The following VPS13B variants were observed in gnomAD, a reference collection of about 807,000 sequenced individuals.
VPS13B encodes intermembrane lipid transfer protein VPS13B.
In VPS13B, 285 loss-of-function variants were observed where a neutral mutation model predicts 426.4. The ratio of observed to expected loss-of-function variants is 0.67; its 90% CI spans 0.61 to 0.74. The LOEUF is 0.74. VPS13B is among the 30% of genes least tolerant of loss of function. VPS13B has a pLI of 0.00. For missense variants in VPS13B, 4,537 were observed against 4,782.6 expected (o/e 0.95, Z 1.51); for synonymous variants, 1,676 against 1,676.4 (o/e 1.00, Z 0.01).
At chr8:99,545,645 A>G (rs117820078) in intron 30 of VPS13B, among the ~76,000 whole-genome samples, 2,667 of 152,170 alleles carry the variant, frequency 0.018, 38 homozygotes, top group South Asian at 0.032. Context: ...TATATTCTCA[A>G]TTGCTGAGTA....
At chr8:99,625,180 C>A (rs1030198570) in intron 33 of VPS13B, among the ~76,000 whole-genome samples, 1 of 152,076 alleles carries the variant, frequency 6.6e-6, no homozygotes, top group African/African-American at 2.4e-5. Flanking sequence ...TAGACCAGAA[C>A]TTCTGCTAGG....
chr8:99,486,808 T>C (rs1256778964), intron 25 of VPS13B, among the ~76,000 whole-genome samples: 1 of 152,226 alleles, frequency 6.6e-6, no homozygotes, highest in East Asian at 1.9e-4. Context: ...ACCCTGACTT[T>C]GTGTTTCCTC....
chr8:99,160,331 A>G (rs1811578436), intron 15 of VPS13B, among the ~76,000 whole-genome samples: 1 of 152,198 alleles, frequency 6.6e-6, no homozygotes, highest in African/African-American at 2.4e-5. Flanking sequence ...CTTCTGTTTT[A>G]TGAACAAAAG....
intron 44 of VPS13B, among the ~76,000 whole-genome samples, chr8:99,816,217 C>T (rs1814028687): frequency 1.3e-5 from 2 of 152,074 alleles, no homozygotes; most frequent in Admixed American, 1.3e-4. Context: ...ATTCTCCTGC[C>T]TCAGCCTCCT....
chr8:99,655,280 A>G (rs535992620), intron 34 of VPS13B, among the ~76,000 whole-genome samples: 1 of 152,340 alleles, frequency 6.6e-6, no homozygotes, highest in African/African-American at 2.4e-5. Flanking sequence ...AAGAGTTTTG[A>G]TACTTTTTAC....
At chr8:99,187,194 T>C (rs1021198492) in intron 16 of VPS13B, among the ~76,000 whole-genome samples, 4 of 152,096 alleles carry the variant, frequency 2.6e-5, no homozygotes, top group African/African-American at 9.7e-5. Flanking sequence ...TTATCACTAA[T>C]AAAATGTTGT....
At chr8:99,063,588 C>G (rs891269140) in intron 3 of VPS13B, among the ~76,000 whole-genome samples, 5 of 152,206 alleles carry the variant, frequency 3.3e-5, no homozygotes, top group African/African-American at 1.2e-4. Context: ...CTGGGTGGAG[C>G]CAACCACAGC....
At chr8:99,163,765 C>A (rs1183799015) in intron 15 of VPS13B, among the ~76,000 whole-genome samples, 1 of 144,786 alleles carries the variant, frequency 6.9e-6, no homozygotes, top group East Asian at 2.2e-4. Flanking sequence ...AGCCCCGGTT[C>A]CCGCTCGCGC....
intron 12 of VPS13B, among the ~76,000 whole-genome samples, chr8:99,139,476 C>T (rs544395295): frequency 4.9e-5 from 7 of 142,292 alleles, no homozygotes; most frequent in South Asian, 2.2e-4. Flanking sequence ...CTTCCTCTGT[C>T]GCCCAGGCTG....
chr8:99,166,381 G>C (rs1812004287), intron 15 of VPS13B, among the ~76,000 whole-genome samples: 1 of 152,184 alleles, frequency 6.6e-6, no homozygotes, highest in Admixed American at 6.5e-5. Flanking sequence ...CCACCATGTT[G>C]ATTATAAATG....
intron 16 of VPS13B, among the ~76,000 whole-genome samples, chr8:99,187,957 C>A (rs1048931732): frequency 6.6e-6 from 1 of 151,742 alleles, no homozygotes; most frequent in Non-Finnish European, 1.5e-5. Context: ...TAGAGTGAGA[C>A]CCTGTCTTAA....
At chr8:99,806,865 A>C (rs1813427291) in intron 43 of VPS13B, among the ~76,000 whole-genome samples, 1 of 152,198 alleles carries the variant, frequency 6.6e-6, no homozygotes, top group Admixed American at 6.5e-5. Flanking sequence ...ACTCACTGCC[A>C]TCCAGTGCTC....
At chr8:99,360,800 T>C (rs1198046128) in intron 19 of VPS13B, among the ~76,000 whole-genome samples, 3 of 152,200 alleles carry the variant, frequency 2.0e-5, no homozygotes, top group Admixed American at 2.0e-4. Flanking sequence ...ATAATTATGA[T>C]ATGTAAGTTA....
intron 39 of VPS13B, among the ~76,000 whole-genome samples, chr8:99,744,175 T>A (rs1809937650): frequency 6.6e-6 from 1 of 152,158 alleles, no homozygotes; most frequent in Non-Finnish European, 1.5e-5. Flanking sequence ...AACAGACGCT[T>A]CTCGAAAGAA....
At chr8:99,262,693 A>G (rs2132954412) in intron 17 of VPS13B, among the ~76,000 whole-genome samples, 1 of 152,312 alleles carries the variant, frequency 6.6e-6, no homozygotes, top group South Asian at 2.1e-4. Context: ...AACCTTTATT[A>G]TAGTTACACT....
At chr8:99,052,939 T>C (rs1447966100) in intron 3 of VPS13B, among the ~76,000 whole-genome samples, 2 of 152,078 alleles carry the variant, frequency 1.3e-5, no homozygotes, top group African/African-American at 4.8e-5. Context: ...TTTATTACTC[T>C]TGCTAGCGGT....
At chr8:99,627,210 G>C (rs550110839) in intron 33 of VPS13B, among the ~76,000 whole-genome samples, 33 of 152,124 alleles carry the variant, frequency 2.2e-4, no homozygotes, top group Admixed American at 2.2e-3. Context: ...ATAACAGGGT[G>C]ACTGTGGTCA....
chr8:99,450,868 C>A (rs943007085), intron 23 of VPS13B, among the ~76,000 whole-genome samples: 6 of 151,920 alleles, frequency 3.9e-5, no homozygotes, highest in African/African-American at 7.3e-5. Context: ...TATTTAGATT[C>A]ATGATGGAAT....
At chr8:99,409,066 G>A (rs368762511) in intron 21 of VPS13B, among the ~76,000 whole-genome samples, 17 of 152,252 alleles carry the variant, frequency 1.1e-4, no homozygotes, top group African/African-American at 3.6e-4. Flanking sequence ...CAGTATGATA[G>A]CTCTTCTCCA....
Sources: allele counts gnomAD v4.1 joint callset (sites outside exome capture counted in the v4.1 genomes callset), GRCh38; gene constraint gnomAD v4.1.1; transcripts MANE v1.5; gene names NCBI Gene and HGNC (gene_info 2026-07-23, HGNC 2026-07-21).